Variants in SCRG1 observed in about 807,000 individuals in gnomAD.
SCRG1 encodes stimulator of chondrogenesis 1, also known as scrapie-responsive protein 1.
Under a neutral mutation model 7.7 loss-of-function variants are expected in SCRG1, and 3 were observed. The ratio of observed to expected loss-of-function variants is 0.39; its 90% confidence interval spans 0.18 to 1.01. The LOEUF (loss-of-function observed/expected upper bound fraction) is 1.01, where lower values mean the gene tolerates loss of function less well. Ranked by LOEUF, SCRG1 falls within the 50% of genes least tolerant of loss-of-function variation. The pLI is 0.36. For missense variants in SCRG1, 110 were observed against 117.2 expected, an observed-to-expected ratio of 0.94 and a Z score of 0.28; for synonymous variants, 46 against 41.2, an observed-to-expected ratio of 1.12 and a Z score of -0.44.
chr4:173,499,179 G>A, the SCRG1 span, among the ~76,000 whole-genome samples: 1 of 152,094 alleles, frequency 6.6e-6, no homozygotes, highest in African/African-American at 2.4e-5. This position sits in a 1 kb window ranked among gnomAD's most constrained non-coding sequence, Gnocchi z 4.1. Flanking sequence ...CCATTTAATC[G>A]AAGAGGCTAA....
At chr4:173,501,192 G>A in the SCRG1 span, among the ~76,000 whole-genome samples, 1 of 152,220 alleles carries the variant, frequency 6.6e-6, no homozygotes, top group African/African-American at 2.4e-5. The surrounding 1 kb of genome is among the most constrained non-coding windows in gnomAD (Gnocchi z 5.1). Flanking sequence ...TCCGGGGTGC[G>A]AGCCACGCGG....
the SCRG1 span, chr4:173,469,911 C>T: frequency 2.0e-5 from 3 of 152,144 alleles, no homozygotes; most frequent in African/African-American, 7.2e-5. Context: ...TGTAGCTAGC[C>T]AGGCTCTGAG....
upstream of SCRG1, among the ~76,000 whole-genome samples, chr4:173,407,636 T>TA (rs1315490182): frequency 1.3e-5 from 2 of 152,224 alleles, no homozygotes; most frequent in South Asian, 2.1e-4. Context: ...TCAGGTCAAT[T>TA]AAAATCATTA....
chr4:173,483,838 A>AC, the SCRG1 span, among the ~76,000 whole-genome samples: 1 of 13,580 alleles, frequency 7.4e-5, no homozygotes, highest in African/African-American at 1.5e-4. Flanking sequence ...TATAATATAT[A>AC]ATATATAATA....
chr4:173,411,455 A>G, the SCRG1 span, among the ~76,000 whole-genome samples: 1 of 152,178 alleles, frequency 6.6e-6, no homozygotes, highest in African/African-American at 2.4e-5. Flanking sequence ...CCAACCCAGA[A>G]TGGGGGTCGG....
the SCRG1 span, among the ~76,000 whole-genome samples, chr4:173,448,002 ACTGAGG>A: frequency 6.6e-6 from 1 of 152,084 alleles, no homozygotes; most frequent in African/African-American, 2.4e-5. Flanking sequence ...TACTTGGGAG[ACTGAGG>A]CAGGAGAATC....
At chr4:173,478,359 C>G in the SCRG1 span, among the ~76,000 whole-genome samples, 1 of 152,056 alleles carries the variant, frequency 6.6e-6, no homozygotes, top group South Asian at 2.1e-4. Flanking sequence ...GGCAACTAAC[C>G]TCTTGATGGA....
intron 2 of SCRG1, among the ~76,000 whole-genome samples, chr4:173,389,200 A>C (rs1285299786): frequency 1.3e-5 from 2 of 152,226 alleles, no homozygotes; most frequent in African/African-American, 4.8e-5. Flanking sequence ...CTTAAACTTT[A>C]CTATGCATTA....
chr4:173,454,283 G>GATTT, the SCRG1 span, among the ~76,000 whole-genome samples: 2 of 151,448 alleles, frequency 1.3e-5, no homozygotes, highest in Admixed American at 6.6e-5. Flanking sequence ...AGGGAGGTTA[G>GATTT]GATTGGTTTC....
the SCRG1 span, among the ~76,000 whole-genome samples, chr4:173,441,591 C>T: frequency 6.6e-6 from 1 of 152,222 alleles, no homozygotes; most frequent in East Asian, 1.9e-4. Context: ...GAACTAACTT[C>T]ATTTATTCAG....
the SCRG1 span, among the ~76,000 whole-genome samples, chr4:173,484,342 T>TATAA: frequency 4.6e-5 from 3 of 65,650 alleles, no homozygotes; most frequent in South Asian, 5.2e-4. Context: ...ATTTAACATA[T>TATAA]TATATAATAT....
the SCRG1 span, among the ~76,000 whole-genome samples, chr4:173,501,656 AG>A: frequency 5.5e-4 from 84 of 152,148 alleles, no homozygotes; most frequent in African/African-American, 1.8e-3. This position sits in a 1 kb window ranked among gnomAD's most constrained non-coding sequence, Gnocchi z 5.1. Context: ...TGTCGGGCGG[AG>A]GTCACAGTGA....
At chr4:173,402,566 G>C (rs1453547046), upstream of SCRG1, among the ~76,000 whole-genome samples, 1 of 152,014 alleles carries the variant, frequency 6.6e-6, no homozygotes, top group East Asian at 1.9e-4. Context: ...AATAATTTCA[G>C]ATATCAGACA....
At chr4:173,416,202 T>C in the SCRG1 span, among the ~76,000 whole-genome samples, 2 of 152,274 alleles carry the variant, frequency 1.3e-5, no homozygotes, top group Non-Finnish European at 2.9e-5. Context: ...TGACTTATCC[T>C]GCTCAAAGCC....
the SCRG1 span, among the ~76,000 whole-genome samples, chr4:173,446,917 A>T: frequency 6.6e-6 from 1 of 152,246 alleles, no homozygotes; most frequent in African/African-American, 2.4e-5. Context: ...GAATTTTGGC[A>T]GATATTTTCT....
At chr4:173,432,655 C>G in the SCRG1 span, among the ~76,000 whole-genome samples, 2 of 152,144 alleles carry the variant, frequency 1.3e-5, no homozygotes, top group Non-Finnish European at 1.5e-5. Context: ...TCAGGTGCCT[C>G]CTCCTGTCTG....
At chr4:173,468,619 G>GGAGGA in the SCRG1 span, 2 of 152,170 alleles carry the variant, frequency 1.3e-5, no homozygotes, top group Non-Finnish European at 2.9e-5. Flanking sequence ...TTTCTCACAA[G>GGAGGA]GAGGAGAGTG....
upstream of SCRG1, among the ~76,000 whole-genome samples, chr4:173,409,963 C>A (rs1190751387): frequency 2.0e-5 from 3 of 152,216 alleles, no homozygotes; most frequent in South Asian, 4.1e-4. Flanking sequence ...CATTTTGTGG[C>A]CTTACAATGG....
At chr4:173,514,773 T>C in the SCRG1 span, among the ~76,000 whole-genome samples, 2 of 152,236 alleles carry the variant, frequency 1.3e-5, no homozygotes, top group African/African-American at 4.8e-5. Flanking sequence ...TTCTTTTGTT[T>C]ATGTCTCCTG....
Sources: allele counts gnomAD v4.1 joint callset (sites outside exome capture counted in the v4.1 genomes callset), GRCh38; gene constraint gnomAD v4.1.1; non-coding constraint Gnocchi (gnomAD v3.1); transcripts MANE v1.5; gene names NCBI Gene and HGNC (gene_info 2026-07-23, HGNC 2026-07-21).